ARSG: variants seen among roughly 807,000 people sequenced by gnomAD.
ARSG encodes the protein arylsulfatase G.
Under a neutral mutation model 50.5 loss-of-function variants are expected in ARSG, and 37 were observed. That is an observed-to-expected ratio of 0.73 (90% CI 0.56 to 0.96). The LOEUF is 0.96. Ranked by LOEUF, ARSG falls within the 50% of genes least tolerant of loss-of-function variation. ARSG has a pLI of 0.00. For synonymous variants in ARSG, 225 were observed against 254.6 expected, an observed-to-expected ratio of 0.88 and a Z score of 1.11; for missense variants, 629 against 675.3, an observed-to-expected ratio of 0.93 and a Z score of 0.76.
At chr17:68,452,015 T>C in the ARSG span, among the ~76,000 whole-genome samples, 2 of 152,188 alleles carry the variant, frequency 1.3e-5, no homozygotes, top group Admixed American at 1.3e-4. Context: ...GAGCCCAAAA[T>C]ATTATTTACT....
At chr17:68,356,920 C>A in intron 6 of ARSG, 116 bp downstream of exon 6, 2 of 1,293,798 alleles carry the variant, frequency 1.5e-6, no homozygotes, top group Non-Finnish European at 2.2e-6. Context: ...TGCTGCTCAG[C>A]AGAGATGGAT....
intron 2 of ARSG, among the ~76,000 whole-genome samples, chr17:68,308,907 C>T (rs1415365287): frequency 7.2e-5 from 11 of 152,254 alleles, no homozygotes; most frequent in African/African-American, 1.7e-4. Flanking sequence ...CCGCGCCCTG[C>T]GCCTGCACTC....
chr17:68,416,758 T>C (rs1319605566), intron 11 of ARSG, among the ~76,000 whole-genome samples: 1 of 151,506 alleles, frequency 6.6e-6, no homozygotes, highest in African/African-American at 2.4e-5. Context: ...TTCAATTCTA[T>C]TGCTGAGACT....
intron 2 of ARSG, among the ~76,000 whole-genome samples, chr17:68,331,109 C>T (rs546144027): frequency 4.6e-5 from 7 of 151,636 alleles, no homozygotes; most frequent in South Asian, 4.2e-4. Flanking sequence ...CTCAGCCTCC[C>T]GAGTAGCTGG....
chr17:68,328,017 G>C (rs1555773074), intron 2 of ARSG, among the ~76,000 whole-genome samples: 1 of 152,094 alleles, frequency 6.6e-6, no homozygotes, highest in Non-Finnish European at 1.5e-5. Flanking sequence ...TGACCAGGAG[G>C]GGGTGGTCAC....
rs771185293 is a variant in ARSG, at chr17:68,395,034, A to G, written c.1092-39A>G. On this transcript the variant is annotated intron_variant, in intron 9 of 11. Transcript: ENST00000621439. The stretch of plus-strand genomic sequence containing the variant: ...ACACGGCAGGGTCAGGGAGCGAGTC[A>G]GAAGAGCTGGGGACAACTCAGTCTT... 2.9e-5 allele frequency: 46 copies of G among 1,611,010 alleles called. No homozygotes were observed. In the Middle Eastern group the frequency reaches 4.1e-3, roughly 145 times the overall value.
upstream of ARSG, among the ~76,000 whole-genome samples, chr17:68,290,284 G>A (rs1178452544): frequency 1.3e-5 from 2 of 152,154 alleles, no homozygotes; most frequent in Non-Finnish European, 2.9e-5. Context: ...TTTTATATAC[G>A]CCACCTAACA....
chr17:68,335,471 G>A (rs1001123423), intron 2 of ARSG, among the ~76,000 whole-genome samples: 3 of 151,158 alleles, frequency 2.0e-5, no homozygotes, highest in African/African-American at 4.9e-5. Flanking sequence ...GGAGAATGGC[G>A]TGAACCCAGG....
chr17:68,271,201 A>G lies in ARSG; in HGVS notation c.-552+11775A>G, dbSNP rs1599493224. On this transcript the variant is annotated intron_variant, in intron 1 of 11. Transcript: ENST00000448504. The surrounding 1 kb of genome is among the most constrained non-coding windows in gnomAD (Gnocchi z 5.3). ...GCGGTCCTGGTCAATGCCCAGACTAATGCCCAGAGGAATGATGTACAAGGA... is the reference window on the plus strand; with the variant it reads ...GCGGTCCTGGTCAATGCCCAGACTAGTGCCCAGAGGAATGATGTACAAGGA... The G allele has an allele frequency of 6.2e-7, 1 of 1,614,120 alleles. No homozygotes were observed. The highest frequency in any genetic ancestry group is 8.5e-7 in the Non-Finnish European group (1 of 1,180,038).
At chr17:68,301,958 T>C (rs2145481648) in intron 1 of ARSG, among the ~76,000 whole-genome samples, 1 of 152,248 alleles carries the variant, frequency 6.6e-6, no homozygotes, top group African/African-American at 2.4e-5. Context: ...ATCCCATGCC[T>C]GAGCTCCTTC....
At chr17:68,331,722 A>G (rs2077781042) in intron 2 of ARSG, among the ~76,000 whole-genome samples, 1 of 152,126 alleles carries the variant, frequency 6.6e-6, no homozygotes, top group Non-Finnish European at 1.5e-5. Flanking sequence ...ATTTTCCCTA[A>G]GTGTCAGCCA....
the ARSG span, among the ~76,000 whole-genome samples, chr17:68,441,970 G>A: frequency 6.6e-6 from 1 of 152,192 alleles, no homozygotes; most frequent in Non-Finnish European, 1.5e-5. Flanking sequence ...ATCTGAGACA[G>A]AGGAAGTCTC....
At chr17:68,421,823 A>G (rs2082796944), downstream of ARSG, 1 of 1,614,194 alleles carries the variant, frequency 6.2e-7, no homozygotes, top group East Asian at 2.2e-5. Flanking sequence ...AAGATTATCT[A>G]CCAAAATCAA....
At chr17:68,339,686 A>G (rs1766872672) in intron 2 of ARSG, among the ~76,000 whole-genome samples, 2 of 152,188 alleles carry the variant, frequency 1.3e-5, no homozygotes, top group South Asian at 4.1e-4. Flanking sequence ...TATGAGCTGT[A>G]TTTCCTGTAA....
rs1166364846 is a variant in ARSG at position 68,343,526 on chromosome 17, A to G, written c.219-78A>G. On this transcript the variant is annotated intron_variant, in intron 2 of 11. Transcript: ENST00000621439. ...ATCTTTGAGCACTGAAATTGCAGGA[A>G]CTGAGTGGGCACTGCCTTTTCTTTT... 6 of 1,331,658 alleles carry G rather than the reference A, an allele frequency of 4.5e-6. No homozygotes were observed. In the East Asian group the frequency reaches 1.2e-4, roughly 27 times the overall value. The allele number at this position is 1,331,658 out of a possible 1,614,324, so 82.5% of individuals were successfully genotyped here.
At chr17:68,330,485 A>G (rs147934262) in intron 2 of ARSG, among the ~76,000 whole-genome samples, 153 of 152,194 alleles carry the variant, frequency 1.0e-3, no homozygotes, top group African/African-American at 3.6e-3. Flanking sequence ...GATTCTGGAT[A>G]TATTTGGAAG....
At chr17:68,384,116 CA>C (rs2080581436) in intron 8 of ARSG, among the ~76,000 whole-genome samples, 1 of 152,164 alleles carries the variant, frequency 6.6e-6, no homozygotes, top group South Asian at 2.1e-4. Flanking sequence ...ACCAGCCAAA[CA>C]AAGGGAAATT....
intron 1 of ARSG, among the ~76,000 whole-genome samples, chr17:68,306,341 C>T (rs1328809930): frequency 6.6e-6 from 1 of 151,686 alleles, no homozygotes; most frequent in African/African-American, 2.4e-5. Flanking sequence ...TTCAGTGAGC[C>T]GAGATTGTGC....
At chr17:68,282,476 C>T (rs1270582716) in intron 1 of ARSG, among the ~76,000 whole-genome samples, 3 of 139,352 alleles carry the variant, frequency 2.2e-5, no homozygotes, top group African/African-American at 8.7e-5. Flanking sequence ...ACGTTGTGCA[C>T]ATGTACCCTA....
Sources: gnomAD v4.1 joint callset for allele counts (sites outside exome capture counted in the v4.1 genomes callset) on GRCh38, gnomAD v4.1.1 for gene constraint, Gnocchi (gnomAD v3.1) non-coding constraint, MANE v1.5 for transcripts, NCBI Gene and HGNC (gene_info 2026-07-23, HGNC 2026-07-21) for gene names.